Variants in EXOC6B observed in about 807,000 individuals in gnomAD.
The protein encoded by EXOC6B is exocyst complex component 6B.
Under a neutral mutation model 113.5 loss-of-function variants are expected in EXOC6B, and 54 were observed. That is an observed-to-expected ratio of 0.48 (90% CI 0.38 to 0.60). The LOEUF (loss-of-function observed/expected upper bound fraction) is 0.60, where lower values mean the gene tolerates loss of function less well. EXOC6B is among the 20% of genes least tolerant of loss of function. The pLI, the probability that EXOC6B is intolerant of heterozygous loss-of-function variation, is 0.00. For missense variants in EXOC6B, 797 were observed against 977.5 expected (o/e 0.82, Z 2.46); for synonymous variants, 357 against 339.0 (o/e 1.05, Z -0.58).
chr2:72,586,709 G>A (rs1354049896), intron 6 of EXOC6B, among the ~76,000 whole-genome samples: 6 of 151,752 alleles, frequency 4.0e-5, no homozygotes, highest in Non-Finnish European at 5.9e-5. Flanking sequence ...CTGAGATCGC[G>A]CCACTGCACG....
At chr2:72,666,800 C>T (rs1675424613) in intron 6 of EXOC6B, among the ~76,000 whole-genome samples, 1 of 150,422 alleles carries the variant, frequency 6.6e-6, no homozygotes, top group Non-Finnish European at 1.5e-5. Context: ...CACACACACA[C>T]ACACACACAC....
chr2:72,715,137 G>C (rs900413664), intron 6 of EXOC6B, among the ~76,000 whole-genome samples: 1 of 152,080 alleles, frequency 6.6e-6, no homozygotes, highest in African/African-American at 2.4e-5. Context: ...TGAGGCAGGA[G>C]AATCACTTGA....
intron 19 of EXOC6B, among the ~76,000 whole-genome samples, chr2:72,366,048 C>T (rs1690608186): frequency 6.6e-6 from 1 of 152,072 alleles, no homozygotes; most frequent in Non-Finnish European, 1.5e-5. Context: ...TGTAAAATTT[C>T]ACGAATCCAG....
chr2:72,356,474 G>A (rs1231616102), intron 19 of EXOC6B, among the ~76,000 whole-genome samples: 1 of 152,132 alleles, frequency 6.6e-6, no homozygotes, highest in Non-Finnish European at 1.5e-5. Context: ...CAAGGCTGTA[G>A]TGTGCTATGA....
chr2:72,701,072 G>A (rs1160267324), intron 6 of EXOC6B, among the ~76,000 whole-genome samples: 2 of 152,082 alleles, frequency 1.3e-5, no homozygotes, highest in Admixed American at 6.5e-5. Context: ...GGCCAGGTGC[G>A]GTGGCTCACG....
chr2:72,617,356 CTG>C (rs1671451312), intron 6 of EXOC6B, among the ~76,000 whole-genome samples: 1 of 152,130 alleles, frequency 6.6e-6, no homozygotes, highest in South Asian at 2.1e-4. Flanking sequence ...AGTAGGGACT[CTG>C]TGTGGGGGCT....
intron 1 of EXOC6B, among the ~76,000 whole-genome samples, chr2:72,819,823 G>A (rs191617718): frequency 1.3e-5 from 2 of 152,140 alleles, no homozygotes; most frequent in East Asian, 3.9e-4. Flanking sequence ...GTCCTAGCTT[G>A]GTACCTTGCA....
intron 1 of EXOC6B, among the ~76,000 whole-genome samples, chr2:72,762,242 CA>C (rs557776288): frequency 3.2e-3 from 195 of 61,242 alleles, no homozygotes; most frequent in South Asian, 6.0e-3. Context: ...GACTCCGTCT[CA>C]AAAAAAAAAA....
chr2:72,668,419 T>C (rs1011682527), intron 6 of EXOC6B, among the ~76,000 whole-genome samples: 6 of 151,018 alleles, frequency 4.0e-5, no homozygotes, highest in Admixed American at 6.6e-5. Context: ...ACTGAGTATA[T>C]ACCCAAAGGA....
At chr2:72,333,321 A>G (rs1028321355) in intron 20 of EXOC6B, among the ~76,000 whole-genome samples, 4 of 152,140 alleles carry the variant, frequency 2.6e-5, no homozygotes, top group Admixed American at 6.6e-5. Flanking sequence ...TTCTGTGAAC[A>G]CTAGTTCCTT....
chr2:72,747,612 A>T (rs1337275605), intron 1 of EXOC6B, among the ~76,000 whole-genome samples: 2 of 152,070 alleles, frequency 1.3e-5, no homozygotes, highest in Non-Finnish European at 2.9e-5. Context: ...TGCAAAGGAA[A>T]GTATCCTAAA....
intron 7 of EXOC6B, among the ~76,000 whole-genome samples, chr2:72,561,396 A>C (rs1158156856): frequency 1.3e-5 from 2 of 152,160 alleles, no homozygotes; most frequent in Non-Finnish European, 1.5e-5. Context: ...ACATATTTAC[A>C]AAAAGTTTAA....
chr2:72,755,470 A>G (rs1682352152), intron 1 of EXOC6B, among the ~76,000 whole-genome samples: 1 of 152,164 alleles, frequency 6.6e-6, no homozygotes, highest in Non-Finnish European at 1.5e-5. Flanking sequence ...TAAAGTGACA[A>G]AGAGCCAAAG....
rs149843369 is a variant in EXOC6B, at chr2:72,202,241, G to T, written c.2197-18054C>A. Among the ~76,000 whole-genome samples the T allele has an allele frequency of 1.6e-4, 24 of 152,318 alleles. No individual in the cohort carries two copies. In the South Asian group the frequency reaches 4.8e-3, roughly 30 times the overall value. ...GGATATGAGAGGAGACACAGTAAGT[G>T]AAAGCACTTGAAAACTTCATCTTGT... is the stretch of plus-strand genomic sequence containing the variant. On this transcript the variant is annotated intron_variant, in intron 20 of 21. Coordinates refer to ENST00000272427, the MANE Select transcript of EXOC6B (RefSeq NM_015189.3).
chr2:72,426,833 C>T lies in EXOC6B; in HGVS notation c.1980+38327G>A, dbSNP rs376456601. 5.4e-4 allele frequency among the ~76,000 whole-genome samples: 83 copies of T among 152,358 alleles called. No homozygotes were observed. In the East Asian group the frequency reaches 9.7e-3, roughly 18 times the overall value. Reference sequence around the variant, plus strand: ...TCAATGATGGCAGTGGCAGGCCATCCGGAGCGGCCGCTGCTACCACTCCAG... The same window carrying T: ...TCAATGATGGCAGTGGCAGGCCATCTGGAGCGGCCGCTGCTACCACTCCAG... On this transcript the variant is annotated intron_variant, in intron 18 of 21. Coordinates refer to ENST00000272427, the MANE Select transcript of EXOC6B (RefSeq NM_015189.3).
chr2:72,548,985 C>G (rs535600235), intron 8 of EXOC6B, among the ~76,000 whole-genome samples: 8 of 151,944 alleles, frequency 5.3e-5, no homozygotes, highest in African/African-American at 1.7e-4. Context: ...GCACTCCAAC[C>G]TGGGCGACAG....
chr2:72,772,046 C>T (rs1683431032), intron 1 of EXOC6B, among the ~76,000 whole-genome samples: 1 of 152,094 alleles, frequency 6.6e-6, no homozygotes, highest in Non-Finnish European at 1.5e-5. Context: ...GGTAAGAGAT[C>T]ACAGCACCTA....
At chr2:72,191,043 G>A (rs1472516187) in intron 20 of EXOC6B, among the ~76,000 whole-genome samples, 1 of 152,122 alleles carries the variant, frequency 6.6e-6, no homozygotes, top group Non-Finnish European at 1.5e-5. Context: ...TAGAACAGGG[G>A]AACTAAACTA....
intron 1 of EXOC6B, among the ~76,000 whole-genome samples, chr2:72,802,001 G>A (rs538438311): frequency 1.3e-5 from 2 of 152,230 alleles, no homozygotes; most frequent in African/African-American, 4.8e-5. Context: ...TTCATAATAA[G>A]ATTATTAGAC....
Sources: allele counts gnomAD v4.1 joint callset (sites outside exome capture counted in the v4.1 genomes callset), GRCh38; gene constraint gnomAD v4.1.1; transcripts MANE v1.5; gene names NCBI Gene and HGNC (gene_info 2026-07-23, HGNC 2026-07-21).